HHAT: variants seen among roughly 807,000 people sequenced by gnomAD.
HHAT encodes protein-cysteine N-palmitoyltransferase HHAT.
In HHAT, 47 loss-of-function variants were observed where a neutral mutation model predicts 70.8. That is an observed-to-expected ratio of 0.66 (90% CI 0.53 to 0.85). The LOEUF (loss-of-function observed/expected upper bound fraction) is 0.85, where lower values mean the gene tolerates loss of function less well. HHAT is among the 40% of genes least tolerant of loss of function. The pLI, the probability that HHAT is intolerant of heterozygous loss-of-function variation, is 0.00. For synonymous variants in HHAT, 228 were observed against 247.6 expected, an observed-to-expected ratio of 0.92 and a Z score of 0.74; for missense variants, 609 against 604.8, an observed-to-expected ratio of 1.01 and a Z score of -0.07.
intron 2 of HHAT, among the ~76,000 whole-genome samples, chr1:210,357,172 A>G (rs2087724256): frequency 6.6e-6 from 1 of 152,192 alleles, no homozygotes; most frequent in Non-Finnish European, 1.5e-5. Flanking sequence ...CTTGTAGCCT[A>G]TCCCTTCCTC....
chr1:210,626,389 G>A (rs958271492), intron 11 of HHAT, among the ~76,000 whole-genome samples: 4 of 152,156 alleles, frequency 2.6e-5, no homozygotes, highest in Non-Finnish European at 4.4e-5. Flanking sequence ...TGGGAACTCT[G>A]ATTCTATAAA....
At chr1:210,438,696 T>C (rs1038880531) in intron 7 of HHAT, among the ~76,000 whole-genome samples, 1 of 151,824 alleles carries the variant, frequency 6.6e-6, no homozygotes, top group African/African-American at 2.4e-5. Context: ...CATGGTGGCT[T>C]AAGTTAAGCC....
At chr1:210,601,811 A>T (rs1001354142) in intron 10 of HHAT, among the ~76,000 whole-genome samples, 2 of 152,146 alleles carry the variant, frequency 1.3e-5, no homozygotes, top group African/African-American at 4.8e-5. Context: ...ACTTGCCTTT[A>T]TAAACATAAT....
chr1:210,482,911 T>C (rs960508599), intron 8 of HHAT, among the ~76,000 whole-genome samples: 1 of 152,182 alleles, frequency 6.6e-6, no homozygotes, highest in Non-Finnish European at 1.5e-5. Flanking sequence ...ATCACTCTCT[T>C]CTCATTTCCT....
intron 10 of HHAT, among the ~76,000 whole-genome samples, chr1:210,608,886 G>A (rs1666036725): frequency 6.6e-6 from 1 of 152,096 alleles, no homozygotes; most frequent in Non-Finnish European, 1.5e-5. Flanking sequence ...CATGGCTGGG[G>A]AGGCCTCAGG....
Position 210,587,417 on chromosome 1 carries a change from A to G in HHAT, c.1044-481A>G, listed in dbSNP as rs545567315. Among the ~76,000 whole-genome samples the G allele has an allele frequency of 5.3e-5, 8 of 152,234 alleles. 1 individual carries two copies. In the South Asian group the frequency reaches 1.5e-3, roughly 28 times the overall value. Reference sequence around the variant, plus strand: ...AACAGCATAGGAAAAACCCACCCCCATGATTCAATTACCTCGCGCTGGGTC... The same window carrying G: ...AACAGCATAGGAAAAACCCACCCCCGTGATTCAATTACCTCGCGCTGGGTC... On this transcript the variant is annotated intron_variant, in intron 9 of 11. Coordinates refer to ENST00000261458, the MANE Select transcript of HHAT (RefSeq NM_018194.6).
At chr1:210,333,982 G>A (rs144536459) in intron 1 of HHAT, among the ~76,000 whole-genome samples, 507 of 151,966 alleles carry the variant, frequency 3.3e-3, no homozygotes, top group Middle Eastern at 6.8e-3. Flanking sequence ...ACTGTGAGTC[G>A]TTGTCCACAT....
chr1:210,490,955 A>G (rs1478003604), intron 8 of HHAT, among the ~76,000 whole-genome samples: 2 of 152,090 alleles, frequency 1.3e-5, no homozygotes, highest in East Asian at 3.9e-4. Context: ...AAAAAAATCC[A>G]TATGGAAAAA....
chr1:210,601,653 CATG>C (rs1414980925), intron 10 of HHAT, among the ~76,000 whole-genome samples: 1 of 152,062 alleles, frequency 6.6e-6, no homozygotes, highest in Non-Finnish European at 1.5e-5. Flanking sequence ...CTGAATAAGA[CATG>C]ATCCCTGCCA....
At chr1:210,523,841 T>A (rs541936124) in intron 9 of HHAT, among the ~76,000 whole-genome samples, 1 of 152,390 alleles carries the variant, frequency 6.6e-6, no homozygotes, top group East Asian at 1.9e-4. Context: ...CCCTAAGTAC[T>A]ATTCTAGGTG....
In HHAT at chr1:210,653,259, C is replaced by A. The variant is rs559866442; in HGVS notation, c.1391-21029C>A. ...ATATTTTAGAATGAAAAGTCAACTACCAGCTGGGTGCAGTGGCTCACACCT... is the reference window on the plus strand; with the variant it reads ...ATATTTTAGAATGAAAAGTCAACTAACAGCTGGGTGCAGTGGCTCACACCT... On this transcript the variant is annotated intron_variant, in intron 11 of 11. Transcript: ENST00000261458. Among the ~76,000 whole-genome samples the A allele has an allele frequency of 2.0e-5, 3 of 152,214 alleles. No homozygotes were observed. The East Asian group carries it at 5.8e-4, about 29-fold the overall frequency.
At chr1:210,355,287 C>A (rs184064039) in intron 2 of HHAT, among the ~76,000 whole-genome samples, 1 of 152,220 alleles carries the variant, frequency 6.6e-6, no homozygotes, top group Non-Finnish European at 1.5e-5. Flanking sequence ...TTTTGCTTTG[C>A]TAGGACATCT....
At chr1:210,573,983 C>T (rs1183640629) in intron 9 of HHAT, among the ~76,000 whole-genome samples, 1 of 152,132 alleles carries the variant, frequency 6.6e-6, no homozygotes, top group African/African-American at 2.4e-5. Context: ...TGAGCATCCT[C>T]CTGAATTTGG....
At chr1:210,612,886 C>A (rs147271053) in intron 10 of HHAT, among the ~76,000 whole-genome samples, 1 of 152,044 alleles carries the variant, frequency 6.6e-6, no homozygotes, top group Non-Finnish European at 1.5e-5. Context: ...TCCTTTATGA[C>A]TTTTTTGTGC....
At chr1:210,562,762 G>A (rs12727560) in intron 9 of HHAT, among the ~76,000 whole-genome samples, 6 of 151,160 alleles carry the variant, frequency 4.0e-5, no homozygotes, top group Non-Finnish European at 8.8e-5. Flanking sequence ...CCAGTAACTC[G>A]TCATTTAACA....
chr1:210,424,592 C>T (rs755230364), intron 7 of HHAT, among the ~76,000 whole-genome samples: 25 of 151,380 alleles, frequency 1.7e-4, no homozygotes, highest in Admixed American at 3.3e-4. Flanking sequence ...TTTCCCTCCT[C>T]CCACCCTCCA....
chr1:210,498,043 C>T (rs1291239394), intron 8 of HHAT, among the ~76,000 whole-genome samples: 1 of 152,180 alleles, frequency 6.6e-6, no homozygotes, highest in Non-Finnish European at 1.5e-5. Flanking sequence ...GCATGAGCCA[C>T]CGAGCCCGGC....
chr1:210,591,577 T>A (rs1174970811), intron 10 of HHAT, among the ~76,000 whole-genome samples: 3 of 152,166 alleles, frequency 2.0e-5, no homozygotes, highest in Admixed American at 6.5e-5. Context: ...ATAGGACTGC[T>A]GAATCATATG....
chr1:210,605,945 C>G (rs1260281670), intron 10 of HHAT, among the ~76,000 whole-genome samples: 1 of 151,808 alleles, frequency 6.6e-6, no homozygotes, highest in Non-Finnish European at 1.5e-5. Flanking sequence ...CAACCTCCAC[C>G]TCCCAGGTTC....
Sources: gnomAD v4.1 joint callset for allele counts (sites outside exome capture counted in the v4.1 genomes callset) on GRCh38, gnomAD v4.1.1 for gene constraint, MANE v1.5 for transcripts, NCBI Gene and HGNC (gene_info 2026-07-23, HGNC 2026-07-21) for gene names.